DCC: variants seen among roughly 807,000 people sequenced by gnomAD.
The protein encoded by DCC is netrin receptor DCC.
Under a neutral mutation model 172.5 loss-of-function variants are expected in DCC, and 58 were observed. The ratio of observed to expected loss-of-function variants is 0.34; its 90% CI spans 0.27 to 0.42. DCC has a LOEUF of 0.42. Ranked by LOEUF, DCC falls within the 10% of genes least tolerant of loss-of-function variation. The probability of loss-of-function intolerance (pLI) is 1.00; values close to 1 mark genes in which losing one functional copy is unlikely to be tolerated. For synonymous variants in DCC, 709 were observed against 644.5 expected, an observed-to-expected ratio of 1.10 and a Z score of -1.52; for missense variants, 1,740 against 1,791.0, an observed-to-expected ratio of 0.97 and a Z score of 0.51.
intron 12 of DCC, among the ~76,000 whole-genome samples, 169 bp from the exon 13 acceptor site, chr18:53,305,409 T>C (rs972623304): frequency 3.9e-5 from 6 of 152,208 alleles, no homozygotes; most frequent in African/African-American, 1.4e-4. Flanking sequence ...ACCAGACAAA[T>C]AAGAATGCTG....
chr18:52,802,473 C>T (rs1387629063), intron 2 of DCC, among the ~76,000 whole-genome samples: 1 of 75,586 alleles, frequency 1.3e-5, no homozygotes, highest in East Asian at 6.4e-4. Context: ...ACTTTTTACT[C>T]CCAGCAATTT....
intron 1 of DCC, among the ~76,000 whole-genome samples, chr18:52,342,179 G>C (rs1392773132): frequency 6.6e-6 from 1 of 152,182 alleles, no homozygotes; most frequent in Non-Finnish European, 1.5e-5. Context: ...AGCCTCGCTC[G>C]GCCGCACGCG....
intron 2 of DCC, among the ~76,000 whole-genome samples, chr18:52,806,554 C>G (rs1183812700): frequency 2.0e-5 from 3 of 152,272 alleles, no homozygotes; most frequent in African/African-American, 7.2e-5. Context: ...GGATCACAAA[C>G]TTCTCAGTCT....
At chr18:53,258,320 A>G (rs528084391) in intron 12 of DCC, among the ~76,000 whole-genome samples, 6 of 151,714 alleles carry the variant, frequency 4.0e-5, no homozygotes, top group African/African-American at 4.8e-5. Context: ...TCAATTTTAG[A>G]TATTTTCTGC....
At chr18:52,654,798 G>A (rs1010202604) in intron 1 of DCC, among the ~76,000 whole-genome samples, 2 of 152,094 alleles carry the variant, frequency 1.3e-5, no homozygotes, top group African/African-American at 4.8e-5. Flanking sequence ...TGGAAACTGA[G>A]TTGCAGGAGA....
chr18:52,901,554 G>A (rs929385268), intron 2 of DCC, among the ~76,000 whole-genome samples: 1 of 152,156 alleles, frequency 6.6e-6, no homozygotes, highest in Non-Finnish European at 1.5e-5. Context: ...CCATTATGAA[G>A]ATTAAATAAG....
At chr18:52,653,165 C>A (rs1337976007) in intron 1 of DCC, among the ~76,000 whole-genome samples, 2 of 152,020 alleles carry the variant, frequency 1.3e-5, no homozygotes, top group African/African-American at 4.8e-5. Flanking sequence ...AGGAAGTATT[C>A]TTTTAAAGGC....
intron 3 of DCC, among the ~76,000 whole-genome samples, chr18:52,913,346 C>T (rs371172727): frequency 6.6e-5 from 10 of 152,114 alleles, no homozygotes; most frequent in Admixed American, 3.9e-4. Context: ...TGAATTAAAA[C>T]GTAATTATTT....
intron 7 of DCC, among the ~76,000 whole-genome samples, chr18:53,088,446 T>C (rs1250930564): frequency 6.6e-6 from 1 of 152,210 alleles, no homozygotes; most frequent in Non-Finnish European, 1.5e-5. Context: ...TTTTTTCACA[T>C]TGAGTTTGTA....
intron 1 of DCC, among the ~76,000 whole-genome samples, chr18:52,497,407 A>G (rs187612016): frequency 3.3e-5 from 5 of 149,980 alleles, no homozygotes; most frequent in Admixed American, 1.3e-4. Flanking sequence ...ATATGTGTAT[A>G]TATGTATACA....
intron 1 of DCC, among the ~76,000 whole-genome samples, chr18:52,347,720 T>C (rs1444103598): frequency 6.6e-6 from 1 of 152,184 alleles, no homozygotes; most frequent in African/African-American, 2.4e-5. Context: ...TCTAATTAGT[T>C]TTAACTAATG....
intron 1 of DCC, among the ~76,000 whole-genome samples, chr18:52,478,745 C>G (rs1016104952): frequency 5.9e-5 from 9 of 152,068 alleles, no homozygotes; most frequent in African/African-American, 2.2e-4. Context: ...TTTTAAATGA[C>G]CAGATGTCAA....
At chr18:52,611,209 C>G (rs1447454175) in intron 1 of DCC, among the ~76,000 whole-genome samples, 1 of 152,066 alleles carries the variant, frequency 6.6e-6, no homozygotes, top group Non-Finnish European at 1.5e-5. Flanking sequence ...GGTGTCTTTC[C>G]CAGGTGTGTG....
At chr18:52,730,113 G>T (rs1036670123) in intron 1 of DCC, among the ~76,000 whole-genome samples, 3 of 152,100 alleles carry the variant, frequency 2.0e-5, no homozygotes, top group Non-Finnish European at 2.9e-5. Context: ...TTAAAAAAAT[G>T]AATATTACCT....
At chr18:52,841,852 T>C (rs72920172) in intron 2 of DCC, among the ~76,000 whole-genome samples, 1,881 of 152,228 alleles carry the variant, frequency 0.012, 18 homozygotes, top group Non-Finnish European at 0.021. Context: ...TAAGGCAATG[T>C]TTCTGGAAGT....
At position 52,824,174 on chromosome 18, in the gene DCC, C is replaced by G. The variant is rs1206957729; in HGVS notation, c.412+71800C>G. ...AAAGTGGGTCACTTGATGAGAAATACGCTGGTTTTCAATAAAGGGGAAAGT... is the reference window on the plus strand; with the variant it reads ...AAAGTGGGTCACTTGATGAGAAATAGGCTGGTTTTCAATAAAGGGGAAAGT... On this transcript the variant is annotated intron_variant, in intron 2 of 28. Coordinates refer to ENST00000442544, the MANE Select transcript of DCC (RefSeq NM_005215.4). Among the ~76,000 whole-genome samples, 3 of 152,246 alleles carry G rather than the reference C, an allele frequency of 2.0e-5. No homozygotes were observed. The East Asian group carries it at 5.8e-4, about 29-fold the overall frequency.
chr18:52,403,892 A>C (rs1049776228), intron 1 of DCC, among the ~76,000 whole-genome samples: 10 of 152,090 alleles, frequency 6.6e-5, no homozygotes, highest in Admixed American at 6.6e-5. Flanking sequence ...TGAGAGATGA[A>C]CAAATAATGA....
intron 12 of DCC, among the ~76,000 whole-genome samples, chr18:53,239,455 G>A (rs1470871031): frequency 6.6e-6 from 1 of 152,054 alleles, no homozygotes; most frequent in Non-Finnish European, 1.5e-5. Flanking sequence ...GCTCTTTAGT[G>A]ATAGCTCATG....
chr18:52,942,194 A>G (rs2040474521), intron 5 of DCC, among the ~76,000 whole-genome samples: 1 of 152,242 alleles, frequency 6.6e-6, no homozygotes. Flanking sequence ...AAATACTAAT[A>G]TAATGTAAAA....
Sources: allele counts gnomAD v4.1 joint callset (sites outside exome capture counted in the v4.1 genomes callset), GRCh38; gene constraint gnomAD v4.1.1; transcripts MANE v1.5; gene names NCBI Gene and HGNC (gene_info 2026-07-23, HGNC 2026-07-21).